CTNND2: variants seen among roughly 807,000 people sequenced by gnomAD.
CTNND2 encodes the protein catenin delta 2, also known as catenin delta-2.
Under a neutral mutation model 144.4 loss-of-function variants are expected in CTNND2, and 22 were observed. The observed-to-expected ratio is 0.15, with a 90% CI of 0.11 to 0.22. The LOEUF (loss-of-function observed/expected upper bound fraction) is 0.22. CTNND2 is among the 10% of genes least tolerant of loss of function. CTNND2 has a pLI of 1.00. For missense variants in CTNND2, 1,353 were observed against 1,618.8 expected, an observed-to-expected ratio of 0.84 and a Z score of 2.82; for synonymous variants, 751 against 695.6, an observed-to-expected ratio of 1.08 and a Z score of -1.25.
chr5:11,209,326 C>T (rs913768346), intron 10 of CTNND2, among the ~76,000 whole-genome samples: 1 of 152,124 alleles, frequency 6.6e-6, no homozygotes, highest in African/African-American at 2.4e-5. Flanking sequence ...ATAGTTAAAA[C>T]GTTGTGATAC....
rs763371956 is a variant in CTNND2, at chr5:10,988,248, T to C, written c.3212-6A>G. The C allele has an allele frequency of 6.2e-7, 1 of 1,614,114 alleles. No homozygotes were observed. The highest frequency in any genetic ancestry group is 1.7e-5 in the Admixed American group (1 of 60,016). ...AGGTGAAGCTGGGGCACTTGCTACATAAAGAAATCAAAAGGGGGATTTTCT... is the reference window on the plus strand; with the variant it reads ...AGGTGAAGCTGGGGCACTTGCTACACAAAGAAATCAAAAGGGGGATTTTCT... On this transcript the variant is annotated splice_polypyrimidine_tract_variant and splice_region_variant and intron_variant, in intron 19 of 21. Transcript: ENST00000304623. The surrounding 1 kb of genome is among the most constrained non-coding windows in gnomAD (Gnocchi z 5.9).
intron 3 of CTNND2, among the ~76,000 whole-genome samples, chr5:11,471,800 T>C (rs985812878): frequency 6.6e-6 from 1 of 152,176 alleles, no homozygotes; most frequent in Admixed American, 6.5e-5. Context: ...AGAATAAATA[T>C]CACTCTCCAG....
At chr5:11,422,440 T>C (rs938630759) in intron 3 of CTNND2, among the ~76,000 whole-genome samples, 1 of 152,122 alleles carries the variant, frequency 6.6e-6, no homozygotes. Flanking sequence ...TTAATTTTAG[T>C]TTGAGGCAGG....
At position 11,203,333 on chromosome 5, in the gene CTNND2, C is replaced by T. The variant is rs556205902; in HGVS notation, c.1762-3672G>A. 1.2e-3 allele frequency among the ~76,000 whole-genome samples: 181 copies of T among 152,354 alleles called. 1 individual carries two copies. Among genetic ancestry groups the T allele is most frequent in the African/African-American group, 4.2e-3 (175 of 41,574 alleles). On this transcript the variant is annotated intron_variant, in intron 10 of 21. Transcript: ENST00000304623. ...ATCCCCCTAGTCGATCACTCCACATCCAGCAAGCTGAGCCCAGGTTTTTGT... is the reference window on the plus strand; with the variant it reads ...ATCCCCCTAGTCGATCACTCCACATTCAGCAAGCTGAGCCCAGGTTTTTGT...
chr5:11,175,572 G>A (rs1760399547), intron 11 of CTNND2, among the ~76,000 whole-genome samples: 1 of 152,086 alleles, frequency 6.6e-6, no homozygotes. Flanking sequence ...TGCTCTATTT[G>A]ATGGTCCATT....
At chr5:10,986,296 C>T (rs761995289) in intron 20 of CTNND2, among the ~76,000 whole-genome samples, 1 of 152,168 alleles carries the variant, frequency 6.6e-6, no homozygotes, top group Non-Finnish European at 1.5e-5. Flanking sequence ...GACATAAACA[C>T]GCACACCCAC....
chr5:11,674,646 G>A (rs1355944614), intron 2 of CTNND2, among the ~76,000 whole-genome samples: 1 of 152,238 alleles, frequency 6.6e-6, no homozygotes, highest in Non-Finnish European at 1.5e-5. Context: ...TGTAGCGTTA[G>A]AGTTGTTTCA....
At chr5:11,663,088 G>A (rs1783362548) in intron 2 of CTNND2, among the ~76,000 whole-genome samples, 1 of 152,152 alleles carries the variant, frequency 6.6e-6, no homozygotes, top group Non-Finnish European at 1.5e-5. Context: ...AATGCCTCTA[G>A]TCAGGGTCTA....
intron 16 of CTNND2, among the ~76,000 whole-genome samples, chr5:11,030,034 CAG>C (rs1244319434): frequency 1.5e-5 from 2 of 136,156 alleles, no homozygotes; most frequent in African/African-American, 5.2e-5. Flanking sequence ...TCTTGGCTGA[CAG>C]TTTTTTTTTT....
At chr5:11,247,706 A>T (rs1743143048) in intron 9 of CTNND2, among the ~76,000 whole-genome samples, 2 of 152,244 alleles carry the variant, frequency 1.3e-5, no homozygotes, top group Non-Finnish European at 2.9e-5. Flanking sequence ...GCTAATAGTT[A>T]TCAAATTTAA....
chr5:11,702,104 CA>C (rs781674769), intron 2 of CTNND2, among the ~76,000 whole-genome samples: 81 of 152,152 alleles, frequency 5.3e-4, no homozygotes, highest in Non-Finnish European at 1.1e-3. Flanking sequence ...TGCACAGAAC[CA>C]GGGGGTCCAG....
At chr5:11,522,448 T>G (rs1772825794) in intron 3 of CTNND2, among the ~76,000 whole-genome samples, 1 of 152,314 alleles carries the variant, frequency 6.6e-6, no homozygotes, top group Non-Finnish European at 1.5e-5. Context: ...AATCTGGTGT[T>G]TTGTTAGTAT....
At chr5:11,032,031 A>C (rs971439090) in intron 16 of CTNND2, among the ~76,000 whole-genome samples, 1 of 152,204 alleles carries the variant, frequency 6.6e-6, no homozygotes, top group Non-Finnish European at 1.5e-5. Flanking sequence ...ATTCTCCTTA[A>C]TAAACTTCCT....
intron 12 of CTNND2, among the ~76,000 whole-genome samples, chr5:11,139,318 A>G (rs1304870382): frequency 2.0e-5 from 3 of 152,228 alleles, no homozygotes; most frequent in Non-Finnish European, 4.4e-5. Flanking sequence ...TTACCCAAGA[A>G]GCCTGTCTGC....
intron 1 of CTNND2, among the ~76,000 whole-genome samples, chr5:11,864,250 C>T (rs974664796): frequency 4.0e-5 from 6 of 151,672 alleles, no homozygotes; most frequent in Non-Finnish European, 5.9e-5. Flanking sequence ...AGAGACAAAT[C>T]GTTCTTCAAT....
chr5:11,546,363 A>G (rs962680799), intron 3 of CTNND2, among the ~76,000 whole-genome samples: 2 of 152,170 alleles, frequency 1.3e-5, no homozygotes, highest in Non-Finnish European at 2.9e-5. Flanking sequence ...TAAATAAAAA[A>G]GGTTGTCTGC....
chr5:11,144,375 G>A (rs138371912), intron 12 of CTNND2, among the ~76,000 whole-genome samples: 129 of 152,232 alleles, frequency 8.5e-4, no homozygotes, highest in Non-Finnish European at 1.5e-3. Context: ...ACGGAGGGTC[G>A]GGGAGCTCGG....
At position 11,182,041 on chromosome 5, in the gene CTNND2, T is replaced by G. The variant is rs1735095285; in HGVS notation, c.1975+17407A>C. 6.8e-5 allele frequency among the ~76,000 whole-genome samples: 9 copies of G among 133,034 alleles called. No homozygotes were observed. In the Admixed American group the frequency reaches 6.8e-4, roughly 10 times the overall value. 87.3% of individuals were successfully genotyped at this position (133,034 alleles called of 152,430 possible). On this transcript the variant is annotated intron_variant, in intron 11 of 21. Coordinates refer to ENST00000304623, the MANE Select transcript of CTNND2 (RefSeq NM_001332.4). ...TGGCGTGTGTGATGTATGTGTGGTG[T>G]GTGTGGGGTGTGTGTGGGGGGTGTG... is the stretch of plus-strand genomic sequence containing the variant.
chr5:11,556,653 A>C (rs1776260550), intron 3 of CTNND2, among the ~76,000 whole-genome samples: 1 of 152,172 alleles, frequency 6.6e-6, no homozygotes, highest in Admixed American at 6.6e-5. Context: ...TGGGCTCATG[A>C]AATTTAGCTA....
Sources: gnomAD v4.1 joint callset for allele counts (sites outside exome capture counted in the v4.1 genomes callset) on GRCh38, gnomAD v4.1.1 for gene constraint, Gnocchi (gnomAD v3.1) non-coding constraint, MANE v1.5 for transcripts, NCBI Gene and HGNC (gene_info 2026-07-23, HGNC 2026-07-21) for gene names.